Variants in TEP1 observed in about 807,000 individuals in gnomAD.
TEP1 encodes the protein telomerase protein component 1.
In TEP1, 241 loss-of-function variants were observed where a neutral mutation model predicts 306.3. The ratio of observed to expected loss-of-function variants is 0.79; its 90% CI spans 0.71 to 0.88. The LOEUF (loss-of-function observed/expected upper bound fraction) is 0.88, where lower values mean the gene tolerates loss of function less well. Among genes scored for constraint, TEP1 ranks in the 40% least tolerant of loss-of-function variants. The pLI is 0.00. For synonymous variants in TEP1, 1,289 were observed against 1,305.5 expected, an observed-to-expected ratio of 0.99 and a Z score of 0.27; for missense variants, 3,051 against 3,276.1, an observed-to-expected ratio of 0.93 and a Z score of 1.68.
rs1879116131 is a variant in TEP1, at chr14:20,405,599, A to G, written c.736-14T>C. On this transcript the variant is annotated splice_polypyrimidine_tract_variant and intron_variant, in intron 3 of 54. Transcript: ENST00000262715. Reference sequence around the variant, plus strand: ...CAGTAGAGCCATCTGGGAATTGAGAAAGAGGGAAGAAATGAGAAGAGAGGT... The same window carrying G: ...CAGTAGAGCCATCTGGGAATTGAGAGAGAGGGAAGAAATGAGAAGAGAGGT... 6.2e-7 allele frequency: 1 copy of G among 1,612,810 alleles called. No homozygotes were observed. The highest frequency in any genetic ancestry group is 1.3e-5 in the African/African-American group (1 of 75,028).
At chr14:20,386,048 G>A in intron 20 of TEP1, 27 bp downstream of exon 20, 2 of 1,571,754 alleles carry the variant, frequency 1.3e-6, no homozygotes, top group Non-Finnish European at 1.7e-6. Context: ...TTCCTCCCCA[G>A]CCCTCCTCCA....
chr14:20,376,180 C>T lies in TEP1; in HGVS notation c.6173G>A (p.Arg2058Gln), dbSNP rs754858698. The change falls in exon 42 of 55, where the codon CGG becomes CAG. Residue 2058 changes from arginine (R) to glutamine (Q), a missense_variant. Around this residue, in one of 3 missense-constraint regions of TEP1, gnomAD observed 1,540 missense variants for 1,705.9 expected, o/e 0.90. Transcript: ENST00000262715. The part of the protein sequence containing the change: ...AEDFPCGTEL[R>Q]GHEGPVSCCS... ...GCAGCTCACAGGGCCCTCATGTCCCCGCAGCTCAGTGCCACAGGGAAAGTC... is the reference window on the plus strand; with the variant it reads ...GCAGCTCACAGGGCCCTCATGTCCCTGCAGCTCAGTGCCACAGGGAAAGTC... 8 of 1,614,202 alleles carry T rather than the reference C, an allele frequency of 5.0e-6. No individual in the cohort carries two copies. The highest frequency in any genetic ancestry group is 3.3e-5 in the Admixed American group (2 of 60,030).
At chr14:20,396,144 G>A (rs1365804466) in intron 10 of TEP1, among the ~76,000 whole-genome samples, 195 bp from the exon 11 acceptor site, 3 of 152,168 alleles carry the variant, frequency 2.0e-5, no homozygotes, top group African/African-American at 7.2e-5. Flanking sequence ...CAAAAGAAGA[G>A]AAAGTAACAG....
chr14:20,400,918 G>C, intron 9 of TEP1, 66 bp downstream of exon 9: 3 of 1,562,586 alleles, frequency 1.9e-6, no homozygotes, highest in Non-Finnish European at 2.6e-6. Context: ...TTCTAGTGAG[G>C]ATCTAAAATG....
intron 7 of TEP1, among the ~76,000 whole-genome samples, chr14:20,403,159 C>CAAAAAAA (rs61465318): frequency 2.4e-5 from 2 of 83,218 alleles, no homozygotes; most frequent in Admixed American, 1.4e-4. Flanking sequence ...AACTTCATCT[C>CAAAAAAA]AAAAAAAAAA....
At chr14:20,396,964 A>T (rs1477757792) in intron 9 of TEP1, among the ~76,000 whole-genome samples, 2 of 152,188 alleles carry the variant, frequency 1.3e-5, no homozygotes, top group African/African-American at 4.8e-5. Flanking sequence ...GAAACCAGGC[A>T]TGTGGAAAGT....
At chr14:20,372,154 C>T (rs1884876176) in intron 49 of TEP1, among the ~76,000 whole-genome samples, 1 of 152,188 alleles carries the variant, frequency 6.6e-6, no homozygotes, top group African/African-American at 2.4e-5. Flanking sequence ...ATTTCCCTTA[C>T]TCCCACCAGG....
In TEP1 at chr14:20,371,481, G is replaced by A; in HGVS notation, c.7220+8C>T. 2 of 1,609,980 alleles carry A rather than the reference G, an allele frequency of 1.2e-6. No homozygotes were observed. Among genetic ancestry groups the A allele is most frequent in the South Asian group, 2.2e-5 (2 of 90,080 alleles). ...CAGCTCAGGAGGAAATGGCATTTTG[G>A]ATCTTACCAGATTTCAGATGGAGCA... On this transcript the variant is annotated splice_region_variant and intron_variant, in intron 50 of 54. Coordinates refer to ENST00000262715, the MANE Select transcript of TEP1 (RefSeq NM_007110.5).
intron 4 of TEP1, 32 bp from the exon 5 acceptor site, chr14:20,404,804 AG>A: frequency 6.4e-7 from 1 of 1,571,824 alleles, no homozygotes; most frequent in Non-Finnish European, 8.6e-7. Flanking sequence ...CTAGAATCTC[AG>A]TCACTCCTCC....
rs971544728 is a variant in TEP1, at chr14:20,380,000, G to T, written c.5057C>A (p.Thr1686Asn). Residue 1686 changes from threonine to asparagine, a missense_variant, in exon 35 of 55, where the codon ACC becomes AAC. Thr to Asn is a moderately conservative substitution (Grantham distance 65). Around this residue, in one of 3 missense-constraint regions of TEP1, gnomAD observed 1,540 missense variants for 1,705.9 expected, o/e 0.90. Transcript: ENST00000262715. The part of the protein sequence containing the change: ...SSSPTAVAFS[T>N]NGQRAAVGTA... ...GCCCACAGCTGCTCTTTGCCCATTG[G>T]TGGAGAAGGCCACAGCAGTAGGGGA... 4 of 1,614,046 alleles carry T rather than the reference G, an allele frequency of 2.5e-6. No individual in the cohort carries two copies. The South Asian group carries it at 4.4e-5, about 18-fold the overall frequency.
chr14:20,386,008 G>A (rs1877109488), intron 20 of TEP1, 67 bp downstream of exon 20: 3 of 1,515,998 alleles, frequency 2.0e-6, no homozygotes, highest in Non-Finnish European at 2.6e-6. Flanking sequence ...ACAGAGTGTG[G>A]CTTCTCCCAG....
rs28397796 is a variant in TEP1, at chr14:20,376,455, G to A, written c.6089-191C>T. On this transcript the variant is annotated intron_variant, in intron 41 of 54. Coordinates refer to ENST00000262715, the MANE Select transcript of TEP1 (RefSeq NM_007110.5). The stretch of plus-strand genomic sequence containing the variant: ...GGGTCATCAGCGAGTGTGTACATAG[G>A]ACGGGAACGTGCGGCACTCCCAGCT... Among the ~76,000 whole-genome samples the A allele has an allele frequency of 4.7e-3, 717 of 152,312 alleles. 9 individuals carry two copies. Among genetic ancestry groups the A allele is most frequent in the African/African-American group, 0.016 (680 of 41,568 alleles).
Position 20,408,241 on chromosome 14 carries a change from A to G in TEP1, c.199T>C (p.Tyr67His), listed in dbSNP as rs757371904. ...DLKTMEKPHG[Y>H]VSAHPDILSL... ...AGGATGTCTGGGTGGGCAGACACAT[A>G]TCCATGTGGTTTTTCCATGGTCTTC... Residue 67 changes from tyrosine to histidine, a missense_variant, in exon 2 of 55, where the codon TAT becomes CAT. Tyr to His is a moderately conservative substitution (Grantham distance 83). Coordinates refer to ENST00000262715, the MANE Select transcript of TEP1 (RefSeq NM_007110.5). 14 of 1,611,620 alleles carry G rather than the reference A, an allele frequency of 8.7e-6. No homozygotes were observed. Among genetic ancestry groups the G allele is most frequent in the Admixed American group, 1.7e-5 (1 of 59,838 alleles).
chr14:20,382,221 G>A lies in TEP1; in HGVS notation c.4273+3C>T. Reference sequence around the variant, plus strand: ...TCCCAACCAACCCACCCCAAGCACTGACCACTCCGTGTGACTTCTAGGGCA... The same window carrying A: ...TCCCAACCAACCCACCCCAAGCACTAACCACTCCGTGTGACTTCTAGGGCA... On this transcript the variant is annotated splice_donor_region_variant and intron_variant, in intron 29 of 54. Coordinates refer to ENST00000262715, the MANE Select transcript of TEP1 (RefSeq NM_007110.5). The A allele has an allele frequency of 6.2e-7, 1 of 1,614,060 alleles. No homozygotes were observed. The highest frequency in any genetic ancestry group is 8.5e-7 in the Non-Finnish European group (1 of 1,180,018).
intron 39 of TEP1, 112 bp downstream of exon 39, chr14:20,377,912 C>T (rs1006599243): frequency 1.3e-6 from 2 of 1,481,708 alleles, no homozygotes; most frequent in Non-Finnish European, 1.9e-6. Flanking sequence ...GTGGTTCCTG[C>T]AATCCAAGCT....
At chr14:20,405,786 G>A (rs561514201) in intron 3 of TEP1, among the ~76,000 whole-genome samples, 17 of 152,266 alleles carry the variant, frequency 1.1e-4, no homozygotes, top group Non-Finnish European at 1.0e-4. Flanking sequence ...GACTGAGGTG[G>A]GCAGACCACC....
At chr14:20,368,666 G>C in intron 54 of TEP1, 107 bp from the exon 55 acceptor site, 1 of 1,546,850 alleles carries the variant, frequency 6.5e-7, no homozygotes, top group Non-Finnish European at 8.8e-7. Flanking sequence ...GTCATACATT[G>C]CAAGTGATTG....
At chr14:20,376,384 G>C (rs1200162308) in intron 41 of TEP1, 120 bp from the exon 42 acceptor site, 9 of 1,036,514 alleles carry the variant, frequency 8.7e-6, no homozygotes, top group Non-Finnish European at 1.3e-5. Context: ...TCAGCTCCAT[G>C]GGAGGGATGC....
chr14:20,403,422 T>C lies in TEP1; in HGVS notation c.1221A>G (p.Arg407=), dbSNP rs759099382. 18 of 1,614,108 alleles carry C rather than the reference T, an allele frequency of 1.1e-5. No homozygotes were observed. The South Asian group carries it at 2.0e-4, about 18-fold the overall frequency. The part of the protein sequence containing the change: ...SPGMEPPFSH[R]CFPRYIGFLR... ...GAAACCCTATGTACCTTGGAAAACA[T>C]CTGTGAGAAAATGGAGGCTCCATCC... is the stretch of plus-strand genomic sequence containing the variant. Residue 407 remains arginine, a synonymous_variant, in exon 7 of 55, where the codon AGA becomes AGG. Coordinates refer to ENST00000262715, the MANE Select transcript of TEP1 (RefSeq NM_007110.5).
Sources: allele counts gnomAD v4.1 joint callset (sites outside exome capture counted in the v4.1 genomes callset), GRCh38; gene constraint gnomAD v4.1.1; regional missense constraint gnomAD v4.1.1; transcripts MANE v1.5; gene names NCBI Gene and HGNC (gene_info 2026-07-23, HGNC 2026-07-21).